EFCAB5: variants seen among roughly 807,000 people sequenced by gnomAD.
EFCAB5 encodes EF-hand calcium-binding domain-containing protein 5.
In EFCAB5, 131 loss-of-function variants were observed where a neutral mutation model predicts 167.9. The ratio of observed to expected loss-of-function variants is 0.78; its 90% CI spans 0.68 to 0.90. The LOEUF (loss-of-function observed/expected upper bound fraction) is 0.90, where lower values mean the gene tolerates loss of function less well. EFCAB5 is among the 40% of genes least tolerant of loss of function. The pLI, the probability that EFCAB5 is intolerant of heterozygous loss-of-function variation, is 0.00. For synonymous variants in EFCAB5, 574 were observed against 602.8 expected (o/e 0.95, Z 0.70); for missense variants, 1,663 against 1,745.2 (o/e 0.95, Z 0.84).
At chr17:30,025,103 C>T (rs1357835560) in intron 7 of EFCAB5, among the ~76,000 whole-genome samples, 3 of 152,188 alleles carry the variant, frequency 2.0e-5, no homozygotes, top group African/African-American at 7.2e-5. Flanking sequence ...CTAGGCATGA[C>T]CATTCAGGAC....
chr17:30,079,908 C>T (rs1445023051), intron 15 of EFCAB5, among the ~76,000 whole-genome samples, 164 bp from the exon 16 acceptor site: 1 of 152,198 alleles, frequency 6.6e-6, no homozygotes, highest in Non-Finnish European at 1.5e-5. Flanking sequence ...GATAGCTATG[C>T]TGTCAACCTT....
chr17:29,993,104 C>A, intron 4 of EFCAB5, 61 bp from the exon 5 acceptor site: 2 of 1,439,824 alleles, frequency 1.4e-6, no homozygotes, highest in Non-Finnish European at 1.8e-6. Flanking sequence ...TTCCTGTGTT[C>A]CAATCTGGAC....
intron 3 of EFCAB5, 105 bp from the exon 4 acceptor site, chr17:29,968,686 C>T: frequency 1.2e-6 from 1 of 841,430 alleles, no homozygotes; most frequent in East Asian, 2.9e-5. Context: ...TCTTCCAATC[C>T]ACTGTGTAAA....
At chr17:30,055,187 G>A (rs1347086407) in intron 10 of EFCAB5, among the ~76,000 whole-genome samples, 2 of 152,122 alleles carry the variant, frequency 1.3e-5, no homozygotes, top group African/African-American at 4.8e-5. Flanking sequence ...GGCTACGCAG[G>A]AGGCTGAGGT....
intron 7 of EFCAB5, among the ~76,000 whole-genome samples, chr17:30,009,101 T>C (rs2068837518): frequency 6.6e-6 from 1 of 152,208 alleles, no homozygotes; most frequent in African/African-American, 2.4e-5. Context: ...TGTGATTGCA[T>C]TTTAGGGTCT....
chr17:29,991,973 T>C (rs1182875477), intron 4 of EFCAB5, among the ~76,000 whole-genome samples: 1 of 152,206 alleles, frequency 6.6e-6, no homozygotes, highest in Non-Finnish European at 1.5e-5. Flanking sequence ...CAATGTGAAA[T>C]AATGAAATCA....
At chr17:30,081,073 A>T in intron 17 of EFCAB5, 92 bp downstream of exon 17, 2 of 974,572 alleles carry the variant, frequency 2.1e-6, no homozygotes, top group Non-Finnish European at 3.1e-6. Context: ...ATGAGAGTAA[A>T]GCTGTGTATA....
intron 8 of EFCAB5, among the ~76,000 whole-genome samples, chr17:30,035,449 C>T (rs1429625382): frequency 6.6e-6 from 1 of 152,166 alleles, no homozygotes; most frequent in Non-Finnish European, 1.5e-5. Context: ...ACTACACTTC[C>T]ATCCTCGTAG....
intron 3 of EFCAB5, among the ~76,000 whole-genome samples, chr17:29,958,596 C>A (rs1174765288): frequency 6.6e-6 from 1 of 152,124 alleles, no homozygotes; most frequent in African/African-American, 2.4e-5. Flanking sequence ...ATTTTGAATT[C>A]TCTGTCTGAA....
Position 30,056,059 on chromosome 17 carries a change from T to C in EFCAB5, c.2273-5T>C, listed in dbSNP as rs1489321126. ...TTGGCTATGTTATGGAATGTGTTTT[T>C]ACAGGTGAATTTTTTACTTGTAACT... is the stretch of plus-strand genomic sequence containing the variant. On this transcript the variant is annotated splice_region_variant and splice_polypyrimidine_tract_variant and intron_variant, in intron 11 of 22. Transcript: ENST00000394835. The C allele has an allele frequency of 5.6e-6, 9 of 1,612,938 alleles. No homozygotes were observed. Among genetic ancestry groups the C allele is most frequent in the African/African-American group, 4.0e-5 (3 of 74,912 alleles).
At chr17:29,976,192 T>C (rs1251915962) in intron 4 of EFCAB5, among the ~76,000 whole-genome samples, 1 of 152,216 alleles carries the variant, frequency 6.6e-6, no homozygotes, top group Non-Finnish European at 1.5e-5. Flanking sequence ...TGTAAAACTC[T>C]AGACATTTAT....
intron 8 of EFCAB5, among the ~76,000 whole-genome samples, chr17:30,045,384 G>A (rs2069893908): frequency 6.6e-6 from 1 of 151,196 alleles, no homozygotes; most frequent in Non-Finnish European, 1.5e-5. Flanking sequence ...ATTGAACCCG[G>A]GAGGCAGAGG....
chr17:30,069,654 G>T, intron 14 of EFCAB5: 7 of 1,567,872 alleles, frequency 4.5e-6, no homozygotes, highest in Non-Finnish European at 6.1e-6. Context: ...CGGGGGCCCA[G>T]CACGAGAGTC....
At chr17:30,006,366 G>T (rs1379136536) in intron 7 of EFCAB5, among the ~76,000 whole-genome samples, 2 of 151,932 alleles carry the variant, frequency 1.3e-5, no homozygotes, top group East Asian at 1.9e-4. Context: ...ATGCTTAGAA[G>T]ATTCTCTTCT....
intron 4 of EFCAB5, among the ~76,000 whole-genome samples, chr17:29,978,993 C>T (rs1597612581): frequency 6.6e-6 from 1 of 152,130 alleles, no homozygotes; most frequent in East Asian, 1.9e-4. Context: ...CTCTGTTGGC[C>T]TCTGCCCTGC....
chr17:30,053,885 T>C lies in EFCAB5; in HGVS notation c.1931T>C (p.Ile644Thr). 1.2e-6 allele frequency: 2 copies of C among 1,613,932 alleles called. No individual in the cohort carries two copies. The highest frequency in any genetic ancestry group is 4.5e-5 in the East Asian group (2 of 44,884). The part of the protein sequence containing the change: ...AEQGSLRESV[I>T]EEPYQKSEQG... Reference sequence around the variant, plus strand: ...CAGGGATCACTCAGAGAGTCAGTAATAGAAGAACCATACCAAAAATCAGAA... The same window carrying C: ...CAGGGATCACTCAGAGAGTCAGTAACAGAAGAACCATACCAAAAATCAGAA... The change falls in exon 10 of 23, where the codon ATA becomes ACA. Residue 644 changes from isoleucine (I) to threonine (T), a missense_variant. Coordinates refer to ENST00000394835, the MANE Select transcript of EFCAB5 (RefSeq NM_198529.4).
intron 4 of EFCAB5, among the ~76,000 whole-genome samples, chr17:29,989,136 A>T (rs192308747): frequency 7.9e-4 from 121 of 152,304 alleles, no homozygotes; most frequent in South Asian, 1.7e-3. Context: ...TTTTCAATTG[A>T]TCCCTACATA....
intron 5 of EFCAB5, among the ~76,000 whole-genome samples, chr17:29,994,167 T>TATATATATATATATATATATATAC (rs1411208091): frequency 7.6e-6 from 1 of 132,230 alleles, no homozygotes; most frequent in Non-Finnish European, 1.6e-5. Flanking sequence ...TATATATATA[T>TATATATATATATATATATATATAC]ATATATATAT....
At chr17:30,068,823 T>C (rs1472250769) in intron 14 of EFCAB5, 14 of 1,397,958 alleles carry the variant, frequency 1.0e-5, no homozygotes, top group Non-Finnish European at 1.4e-5. Flanking sequence ...AACTGAGAGA[T>C]TTTCTTCTGG....
Sources: allele counts gnomAD v4.1 joint callset (sites outside exome capture counted in the v4.1 genomes callset), GRCh38; gene constraint gnomAD v4.1.1; transcripts MANE v1.5; gene names NCBI Gene and HGNC (gene_info 2026-07-23, HGNC 2026-07-21).